SPON1: variants seen among roughly 807,000 people sequenced by gnomAD.
SPON1 encodes spondin-1.
Under a neutral mutation model 111.7 loss-of-function variants are expected in SPON1, and 52 were observed. The ratio of observed to expected loss-of-function variants is 0.47; its 90% confidence interval spans 0.37 to 0.59. The LOEUF (loss-of-function observed/expected upper bound fraction) is 0.59, where lower values mean the gene tolerates loss of function less well. SPON1 is among the 20% of genes least tolerant of loss of function. The probability of loss-of-function intolerance (pLI) is 0.00; values close to 1 mark genes in which losing one functional copy is unlikely to be tolerated. For synonymous variants in SPON1, 410 were observed against 395.8 expected (o/e 1.04, Z -0.43); for missense variants, 957 against 1,068.5 (o/e 0.90, Z 1.46).
chr11:14,227,125 G>A (rs11023152), intron 6 of SPON1, among the ~76,000 whole-genome samples: 22,966 of 152,098 alleles, frequency 0.15, 1,929 homozygotes, highest in East Asian at 0.34. Context: ...ATTTTGGGGG[G>A]CCGTTACTCA....
intron 5 of SPON1, among the ~76,000 whole-genome samples, chr11:14,103,451 C>T (rs1366060079): frequency 6.6e-6 from 1 of 152,130 alleles, no homozygotes; most frequent in Non-Finnish European, 1.5e-5. Flanking sequence ...AGGCAAGGAC[C>T]CAGACCCTCC....
intron 5 of SPON1, among the ~76,000 whole-genome samples, chr11:14,128,045 C>T (rs1412177517): frequency 6.6e-6 from 1 of 152,194 alleles, no homozygotes; most frequent in Non-Finnish European, 1.5e-5. Flanking sequence ...GTGGGAATTA[C>T]AACTTGAGAT....
chr11:14,243,423 C>T (rs1554939919), intron 7 of SPON1, 27 bp downstream of exon 7: 2 of 1,552,290 alleles, frequency 1.3e-6, no homozygotes, highest in Admixed American at 3.9e-5. Flanking sequence ...CCTTGCCTGG[C>T]CTGTCTTATC....
intron 6 of SPON1, among the ~76,000 whole-genome samples, chr11:14,208,392 T>A (rs1848538032): frequency 6.6e-6 from 1 of 152,166 alleles, no homozygotes. Flanking sequence ...TTTAGCACAT[T>A]CCTTATACGT....
At position 14,243,861 on chromosome 11, in the gene SPON1, G is replaced by A. The variant is rs561079303; in HGVS notation, c.890+465G>A. On this transcript the variant is annotated intron_variant, in intron 7 of 15. Transcript: ENST00000576479. ...CTGCCCTTGAGTCAGGTGACCAAGG[G>A]TATGCTGACAGTCCCCAAAACTACC... 1.4e-3 allele frequency among the ~76,000 whole-genome samples: 220 copies of A among 152,272 alleles called. 1 individual carries two copies. Among genetic ancestry groups the A allele is most frequent in the African/African-American group, 5.0e-3 (208 of 41,548 alleles).
At chr11:14,234,638 C>A (rs12291225) in intron 6 of SPON1, among the ~76,000 whole-genome samples, 32,217 of 152,128 alleles carry the variant, frequency 0.21, 4,231 homozygotes, top group East Asian at 0.45. Flanking sequence ...TCCCACCCAC[C>A]GGAGGCAGCC....
intron 6 of SPON1, among the ~76,000 whole-genome samples, chr11:14,156,373 C>T (rs1554930405): frequency 7.6e-6 from 1 of 131,920 alleles, no homozygotes; most frequent in Admixed American, 7.8e-5. Context: ...TGTTTGAGTT[C>T]ATTGTAGATT....
intron 6 of SPON1, among the ~76,000 whole-genome samples, chr11:14,209,017 A>T (rs1848545176): frequency 6.6e-6 from 1 of 152,178 alleles, no homozygotes. Flanking sequence ...ATAAGTGGCG[A>T]TTCTGATTTA....
chr11:14,108,174 A>C (rs886345783), intron 5 of SPON1, among the ~76,000 whole-genome samples: 2 of 152,216 alleles, frequency 1.3e-5, no homozygotes, highest in African/African-American at 4.8e-5. Flanking sequence ...TAATATTCTT[A>C]GAATAGGCTT....
intron 6 of SPON1, among the ~76,000 whole-genome samples, chr11:14,227,149 A>G (rs1156578496): frequency 6.6e-6 from 1 of 152,158 alleles, no homozygotes; most frequent in South Asian, 2.1e-4. Context: ...TACCATGGCA[A>G]TATTCGTTTC....
chr11:14,001,147 C>T (rs1554912398), intron 2 of SPON1, among the ~76,000 whole-genome samples: 1 of 152,170 alleles, frequency 6.6e-6, no homozygotes, highest in East Asian at 1.9e-4. Flanking sequence ...CAAGTGAATA[C>T]TGAAAATCAC....
Position 14,184,224 on chromosome 11 carries a change from T to TC in SPON1, c.825+48657dup. 3.9e-5 allele frequency among the ~76,000 whole-genome samples: 6 copies of TC among 152,316 alleles called. No individual in the cohort carries two copies. In the South Asian group the frequency reaches 1.2e-3, roughly 32 times the overall value. On this transcript the variant is annotated intron_variant, in intron 6 of 15. Coordinates refer to ENST00000576479, the MANE Select transcript of SPON1 (RefSeq NM_006108.4). ...CATTGATCTATTAACATAAATTCTT[T>TC]CTTCAAGTAGTCATTGCACTTGGCA...
chr11:14,182,111 C>T (rs1436088914), intron 6 of SPON1, among the ~76,000 whole-genome samples: 1 of 152,164 alleles, frequency 6.6e-6, no homozygotes, highest in African/African-American at 2.4e-5. Context: ...CACATTTGCT[C>T]TCCTAAGTCT....
chr11:14,015,591 A>T (rs1231540462), intron 2 of SPON1, among the ~76,000 whole-genome samples: 1 of 152,250 alleles, frequency 6.6e-6, no homozygotes, highest in Non-Finnish European at 1.5e-5. Context: ...GTTTCCCAGA[A>T]ACATAAACAT....
intron 2 of SPON1, among the ~76,000 whole-genome samples, chr11:13,985,094 A>G (rs1017839894): frequency 6.6e-6 from 1 of 152,220 alleles, no homozygotes; most frequent in African/African-American, 2.4e-5. Context: ...CTCTGAGGGC[A>G]GGGCCCTCAC....
chr11:14,042,908 A>T (rs1554917458), intron 3 of SPON1, among the ~76,000 whole-genome samples: 1 of 152,212 alleles, frequency 6.6e-6, no homozygotes, highest in African/African-American at 2.4e-5. Context: ...CTTTGCCGCC[A>T]TCTGTCTGGA....
At chr11:14,134,042 C>CTT (rs5789824) in intron 5 of SPON1, among the ~76,000 whole-genome samples, 109 of 141,996 alleles carry the variant, frequency 7.7e-4, no homozygotes, top group East Asian at 2.2e-3. Context: ...TTCTTTCTTT[C>CTT]TTTTTTTTTT....
chr11:14,079,693 C>T (rs200223696), intron 4 of SPON1, among the ~76,000 whole-genome samples: 2 of 150,674 alleles, frequency 1.3e-5, no homozygotes, highest in African/African-American at 2.4e-5. Flanking sequence ...AAAAAGCTCT[C>T]TTTTTTTTTT....
chr11:14,093,693 C>T (rs1554923617), intron 5 of SPON1, among the ~76,000 whole-genome samples: 2 of 152,160 alleles, frequency 1.3e-5, no homozygotes, highest in Non-Finnish European at 2.9e-5. Flanking sequence ...TAAGTCCAAT[C>T]ACATGAAAAA....
Sources: gnomAD v4.1 joint callset for allele counts (sites outside exome capture counted in the v4.1 genomes callset) on GRCh38, gnomAD v4.1.1 for gene constraint, MANE v1.5 for transcripts, NCBI Gene and HGNC (gene_info 2026-07-23, HGNC 2026-07-21) for gene names.